WDR35: variants seen among roughly 807,000 people sequenced by gnomAD.
WDR35 encodes the protein WD repeat domain 35, also known as WD repeat-containing protein 35.
Under a neutral mutation model 158.3 loss-of-function variants are expected in WDR35, and 118 were observed. That is an observed-to-expected ratio of 0.75 (90% CI 0.64 to 0.87). WDR35 has a LOEUF of 0.87. WDR35 is among the 40% of genes least tolerant of loss of function. WDR35 has a pLI of 0.00. For synonymous variants in WDR35, 448 were observed against 476.1 expected (o/e 0.94, Z 0.77); for missense variants, 1,263 against 1,405.8 (o/e 0.90, Z 1.62).
At chr2:19,972,275 T>C (rs909339074) in intron 8 of WDR35, among the ~76,000 whole-genome samples, 4 of 152,234 alleles carry the variant, frequency 2.6e-5, no homozygotes, top group African/African-American at 4.8e-5. Context: ...TGAGGAACTA[T>C]GCTAGATACT....
At chr2:19,927,390 C>G (rs974358121) in intron 25 of WDR35, among the ~76,000 whole-genome samples, 1 of 152,136 alleles carries the variant, frequency 6.6e-6, no homozygotes, top group Non-Finnish European at 1.5e-5. Context: ...CACAATGATT[C>G]CTATGGAATC....
chr2:19,960,615 C>T lies in WDR35; in HGVS notation c.1195-1G>A, dbSNP rs769433246. The stretch of plus-strand genomic sequence containing the variant: ...TAGAATTACAAAGAACTAGTACAAA[C>T]TGTGAACAAATAAAACAAAAAGTAT... On this transcript the variant is annotated splice_acceptor_variant, in intron 10 of 26. Coordinates refer to ENST00000281405, the MANE Select transcript of WDR35 (RefSeq NM_020779.4). LOFTEE classifies it high-confidence loss of function. 3 of 1,606,696 alleles carry T rather than the reference C, an allele frequency of 1.9e-6. No individual in the cohort carries two copies. The highest frequency in any genetic ancestry group is 1.7e-6 in the Non-Finnish European group (2 of 1,174,698).
chr2:19,938,056 G>A, intron 18 of WDR35, 110 bp from the exon 19 acceptor site: 2 of 1,436,196 alleles, frequency 1.4e-6, no homozygotes, highest in African/African-American at 1.4e-5. Context: ...AGAGAAACAT[G>A]GTGGAAAGTA....
chr2:19,952,147 C>T (rs184634173), intron 12 of WDR35, among the ~76,000 whole-genome samples: 172 of 152,264 alleles, frequency 1.1e-3, no homozygotes, highest in African/African-American at 3.9e-3. Flanking sequence ...TAAGTAATTT[C>T]TTATCCCTTA....
intron 8 of WDR35, 29 bp from the exon 9 acceptor site, chr2:19,969,634 A>G: frequency 6.2e-7 from 1 of 1,608,894 alleles, no homozygotes; most frequent in African/African-American, 1.3e-5. Context: ...TTTAACCTAA[A>G]GTATAACAAT....
chr2:19,985,603 G>C (rs1395076540), intron 2 of WDR35, among the ~76,000 whole-genome samples: 1 of 149,344 alleles, frequency 6.7e-6, no homozygotes, highest in Non-Finnish European at 1.5e-5. Flanking sequence ...AAAAAAAAGG[G>C]CCGGGCGCAG....
rs535835554 is a variant in WDR35, at chr2:19,930,610, T to A, written c.2965-58A>T. 1.7e-5 allele frequency: 27 copies of A among 1,608,804 alleles called. No individual in the cohort carries two copies. The South Asian group carries it at 2.4e-4, about 14-fold the overall frequency. On this transcript the variant is annotated intron_variant, in intron 24 of 26. Transcript: ENST00000281405. Reference sequence around the variant, plus strand: ...GCACAAACGCACACACAGTGTCAACTCCCAAATAACAACAGTCATTAAAGT... The same window carrying A: ...GCACAAACGCACACACAGTGTCAACACCCAAATAACAACAGTCATTAAAGT...
At position 19,974,577 on chromosome 2, in the gene WDR35, T is replaced by C. The variant is rs769758532; in HGVS notation, c.627A>G (p.Gly209=). ...VNVTGAISIA[G]IHWYHGTEGY... ...CTTCTGTGCCATGGTACCAATGAAT[T>C]CCAGCAATGCTGATAGCTCCAGTGA... is the stretch of plus-strand genomic sequence containing the variant. The change falls in exon 7 of 27, where the codon GGA becomes GGG. Residue 209 remains glycine (G), a synonymous_variant. Transcript: ENST00000281405. The C allele has an allele frequency of 6.2e-7, 1 of 1,613,546 alleles. No individual in the cohort carries two copies. Among genetic ancestry groups the C allele is most frequent in the Non-Finnish European group, 8.5e-7 (1 of 1,179,776 alleles).
At position 19,936,283 on chromosome 2, in the gene WDR35, CT is replaced by C; in HGVS notation, c.2349del (p.Asp784MetfsTer23). 1.2e-6 allele frequency: 2 copies of C among 1,614,048 alleles called. No individual in the cohort carries two copies. The highest frequency in any genetic ancestry group is 1.7e-6 in the Non-Finnish European group (2 of 1,179,950). ...TTGGCTTGTTCCAGGAGACTGTCAT[CT>C]GCATCACCAGATCCAGTTTTCAGGA... ...LQLLKTGSGDADDSLLEQANN... is the reference protein window; with the variant it reads ...LQLLKTGSGDXDDSLLEQANN... On this transcript the variant is annotated frameshift_variant, in exon 20 of 27. Transcript: ENST00000281405. LOFTEE classifies it high-confidence loss of function.
Position 19,989,242 on chromosome 2 carries a change from C to T in WDR35, c.65G>A (p.Trp22Ter). Residue 22 changes from tryptophan to a stop codon, truncating the protein, a stop_gained, in exon 2 of 27, where the codon TGG (tryptophan) becomes TAG (stop). Transcript: ENST00000281405. LOFTEE classifies it high-confidence loss of function. The part of the protein sequence containing the change: ...PNNVKLQCVS[W>*]NKEQGFIACG... ...TGCTATGAACCCTTGTTCCTTGTTC[C>T]AGGATACACACTGCAGCTTCACGTT... 1 of 1,614,194 alleles carries T rather than the reference C, an allele frequency of 6.2e-7. No individual in the cohort carries two copies. The highest frequency in any genetic ancestry group is 1.1e-5 in the South Asian group (1 of 91,082).
intron 11 of WDR35, among the ~76,000 whole-genome samples, chr2:19,958,080 A>T (rs1003018760): frequency 3.3e-5 from 5 of 152,224 alleles, no homozygotes; most frequent in Non-Finnish European, 7.3e-5. Context: ...CAGCCCTTTC[A>T]AGTGCTGGTA....
At chr2:19,946,638 T>C in intron 14 of WDR35, 68 bp from the exon 15 acceptor site, 2 of 1,396,026 alleles carry the variant, frequency 1.4e-6, no homozygotes, top group Non-Finnish European at 2.0e-6. Context: ...CAACTATTTC[T>C]CTATATGTCT....
At position 19,912,191 on chromosome 2, in the gene WDR35, A is replaced by G. The variant is rs1278955356; in HGVS notation, c.*1367T>C. ...TATCATTGCTTTCTCCTTGTTCCTC[A>G]CTGTGTATTGCAAATTGGTTCAATA... is the stretch of plus-strand genomic sequence containing the variant. On this transcript the variant is annotated 3_prime_UTR_variant, in exon 27 of 27. Transcript: ENST00000281405. 6.6e-6 allele frequency: 1 copy of G among 152,102 alleles called. No homozygotes were observed. Among genetic ancestry groups the G allele is most frequent in the Non-Finnish European group, 1.5e-5 (1 of 68,036 alleles). The allele number at this position is 152,102 out of a possible 1,614,324, so 9.4% of individuals were successfully genotyped here.
chr2:19,926,942 T>C (rs1023147752), intron 25 of WDR35, among the ~76,000 whole-genome samples: 7 of 152,118 alleles, frequency 4.6e-5, no homozygotes, highest in Middle Eastern at 3.4e-3. Context: ...AGACTGACAC[T>C]GAGGAGGACC....
intron 11 of WDR35, among the ~76,000 whole-genome samples, chr2:19,958,331 A>G (rs143259682): frequency 1.3e-5 from 2 of 152,310 alleles, no homozygotes; most frequent in African/African-American, 4.8e-5. Flanking sequence ...ACTCAGCTCA[A>G]ATGAAACCTT....
intron 7 of WDR35, 127 bp from the exon 8 acceptor site, chr2:19,973,835 C>T (rs1358539213): frequency 9.9e-6 from 13 of 1,307,694 alleles, no homozygotes; most frequent in Non-Finnish European, 1.4e-5. Flanking sequence ...GGGCTGGGTA[C>T]AACGGCTCAC....
intron 9 of WDR35, among the ~76,000 whole-genome samples, chr2:19,968,824 T>C (rs1336870293): frequency 6.6e-6 from 1 of 152,230 alleles, no homozygotes; most frequent in Non-Finnish European, 1.5e-5. Context: ...AAATACTGAT[T>C]ATATGTTATG....
chr2:19,937,899 G>T lies in WDR35; in HGVS notation c.2111C>A (p.Ala704Glu). Residue 704 changes from alanine to glutamate, a missense_variant, in exon 19 of 27, where the codon GCA becomes GAA. By Grantham distance (107) the Ala-to-Glu change is moderately radical. Coordinates refer to ENST00000281405, the MANE Select transcript of WDR35 (RefSeq NM_020779.4). ...TTTGCAGCGCACAAATGCTTGCTCT[G>T]CAGTGTATAGATCCAGTTTCTGAAG... ...AALQKLDLYTAEQAFVRCKDY... is the reference protein window; with the variant it reads ...AALQKLDLYTEEQAFVRCKDY... The T allele has an allele frequency of 6.2e-7, 1 of 1,614,102 alleles. No homozygotes were observed. Among genetic ancestry groups the T allele is most frequent in the Non-Finnish European group, 8.5e-7 (1 of 1,180,008 alleles).
At position 19,913,489 on chromosome 2, in the gene WDR35, A is replaced by G; in HGVS notation, c.*69T>C. The G allele has an allele frequency of 6.3e-7, 1 of 1,583,324 alleles. No individual in the cohort carries two copies. Among genetic ancestry groups the G allele is most frequent in the East Asian group, 2.2e-5 (1 of 44,568 alleles). On this transcript the variant is annotated 3_prime_UTR_variant, in exon 27 of 27. Coordinates refer to ENST00000281405, the MANE Select transcript of WDR35 (RefSeq NM_020779.4). ...AAAACTCACAGAAATAAACCTTATT[A>G]CATATACAGCATATAGCCATGTATA...
Sources: gnomAD v4.1 joint callset for allele counts (sites outside exome capture counted in the v4.1 genomes callset) on GRCh38, gnomAD v4.1.1 for gene constraint, MANE v1.5 for transcripts, NCBI Gene and HGNC (gene_info 2026-07-23, HGNC 2026-07-21) for gene names.